The following PIEZO2 variants were observed in gnomAD, a reference collection of about 807,000 sequenced individuals.
PIEZO2 encodes the protein piezo type mechanosensitive ion channel component 2.
Under a neutral mutation model 337.3 loss-of-function variants are expected in PIEZO2, and 172 were observed. That is an observed-to-expected ratio of 0.51 (90% CI 0.45 to 0.58). The LOEUF (loss-of-function observed/expected upper bound fraction) is 0.58. Ranked by LOEUF, PIEZO2 falls within the 20% of genes least tolerant of loss-of-function variation. The pLI is 0.00. For missense variants in PIEZO2, 3,028 were observed against 3,391.3 expected (o/e 0.89, Z 2.66); for synonymous variants, 1,251 against 1,228.5 (o/e 1.02, Z -0.38).
intron 7 of PIEZO2, among the ~76,000 whole-genome samples, chr18:10,818,183 C>T (rs2040419917): frequency 6.6e-6 from 1 of 152,086 alleles, no homozygotes; most frequent in Admixed American, 6.6e-5. Context: ...TCCTTGTCAT[C>T]TCTGTTCTGC....
At position 10,726,770 on chromosome 18, in the gene PIEZO2, G is replaced by A. The variant is rs1273320086; in HGVS notation, c.5029+4637C>T. ...GATTTCCCGCTGCTGACCTCACTGG[G>A]CAAGGTGTCCTATGAGGATGTGGAC... On this transcript the variant is annotated intron_variant, in intron 36 of 55. Coordinates refer to ENST00000674853, the MANE Select transcript of PIEZO2 (RefSeq NM_001378183.1). The surrounding 1 kb of genome is among the most constrained non-coding windows in gnomAD (Gnocchi z 5.9). 1 of 1,529,480 alleles carries A rather than the reference G, an allele frequency of 6.5e-7. No homozygotes were observed. The highest frequency in any genetic ancestry group is 9.0e-7 in the Non-Finnish European group (1 of 1,107,904). 94.7% of individuals were successfully genotyped at this position (1,529,480 alleles called of 1,614,324 possible). A position where few individuals can be genotyped will look rare whatever the true frequency, so the allele number is the denominator to read the frequency against.
At chr18:10,711,615 C>A (rs201741499) in intron 39 of PIEZO2, among the ~76,000 whole-genome samples, 1 of 150,920 alleles carries the variant, frequency 6.6e-6, no homozygotes, top group Non-Finnish European at 1.5e-5. Context: ...ATTCAGGTAA[C>A]AAAAAAAAAT....
chr18:10,723,598 T>G (rs1241500716), intron 36 of PIEZO2, among the ~76,000 whole-genome samples: 1 of 151,934 alleles, frequency 6.6e-6, no homozygotes, highest in African/African-American at 2.4e-5. Context: ...AGGAAGAGAT[T>G]GATGATGTAG....
At chr18:11,010,399 C>CACTGT (rs1177990049) in intron 2 of PIEZO2, among the ~76,000 whole-genome samples, 1 of 152,156 alleles carries the variant, frequency 6.6e-6, no homozygotes, top group Non-Finnish European at 1.5e-5. Context: ...AAGTGTAACG[C>CACTGT]ACTGTACAAA....
intron 3 of PIEZO2, among the ~76,000 whole-genome samples, chr18:10,933,365 C>A (rs556300204): frequency 6.6e-6 from 1 of 152,170 alleles, no homozygotes; most frequent in East Asian, 1.9e-4. Context: ...TTTTCTTCTT[C>A]ATTTCTAAGA....
intron 13 of PIEZO2, among the ~76,000 whole-genome samples, chr18:10,793,920 T>C (rs534711159): frequency 6.6e-6 from 1 of 152,252 alleles, no homozygotes; most frequent in Admixed American, 6.5e-5. Flanking sequence ...AACTTTGCCC[T>C]AGTCTACTCT....
In PIEZO2 at chr18:11,116,363, C is replaced by T. The variant is rs1042887541; in HGVS notation, c.64+32162G>A. Among the ~76,000 whole-genome samples, 8 of 152,096 alleles carry T rather than the reference C, an allele frequency of 5.3e-5. No homozygotes were observed. Among genetic ancestry groups the T allele is most frequent in the Admixed American group, 2.0e-4 (3 of 15,262 alleles). Reference sequence around the variant, plus strand: ...GGCTCTTGAGGAGGAAGCTGCCCAACGGTGTGAAAATGCACCTCGACAATG... The same window carrying T: ...GGCTCTTGAGGAGGAAGCTGCCCAATGGTGTGAAAATGCACCTCGACAATG... On this transcript the variant is annotated intron_variant, in intron 1 of 55. Transcript: ENST00000674853. This position sits in a 1 kb window ranked among gnomAD's most constrained non-coding sequence, Gnocchi z 5.0.
intron 3 of PIEZO2, among the ~76,000 whole-genome samples, chr18:10,967,612 AT>A (rs879573814): frequency 2.6e-5 from 4 of 151,102 alleles, no homozygotes; most frequent in Non-Finnish European, 4.4e-5. Flanking sequence ...GCCAACATCT[AT>A]TTTTTTTTAT....
rs2041052806 is a variant in PIEZO2, at chr18:10,837,510, G to C, written c.917+17843C>G. The stretch of plus-strand genomic sequence containing the variant: ...CCATGCACATCCTTTAGAATGTTGG[G>C]GCCAGCAAGAAAGCTTGAGAACCAC... On this transcript the variant is annotated intron_variant, in intron 7 of 55. Coordinates refer to ENST00000674853, the MANE Select transcript of PIEZO2 (RefSeq NM_001378183.1). The surrounding 1 kb of genome is among the most constrained non-coding windows in gnomAD (Gnocchi z 4.4). Among the ~76,000 whole-genome samples, 2 of 152,032 alleles carry C rather than the reference G, an allele frequency of 1.3e-5. No individual in the cohort carries two copies. Among genetic ancestry groups the C allele is most frequent in the African/African-American group, 2.4e-5 (1 of 41,398 alleles).
At chr18:10,976,999 A>ATGTGTGTGTG (rs1491283264) in intron 3 of PIEZO2, among the ~76,000 whole-genome samples, 57 of 50,314 alleles carry the variant, frequency 1.1e-3, no homozygotes, top group African/African-American at 1.9e-3. Flanking sequence ...GCAAGAACAA[A>ATGTGTGTGTG]TATGTGTGTG....
In PIEZO2 at chr18:10,705,691, C is replaced by T. The variant is rs1193696120; in HGVS notation, c.5644G>A (p.Glu1882Lys). ...TCCTCCTGCTCAGCCTCCACCTCCT[C>T]GATGGTCTCAGTGGTCCCCTGGCGT... ...YSRQGTTETIEEVEAEQEEEA... is the reference protein window; with the variant it reads ...YSRQGTTETIKEVEAEQEEEA... The change falls in exon 41 of 56, where the codon GAG (glutamate) becomes AAG (lysine). Residue 1882 changes from glutamate (E) to lysine (K), a missense_variant. Around this residue, in one of 5 missense-constraint regions of PIEZO2, gnomAD observed 1,925 missense variants for 2,051.9 expected, o/e 0.94. Coordinates refer to ENST00000674853, the MANE Select transcript of PIEZO2 (RefSeq NM_001378183.1). The T allele has an allele frequency of 7.2e-6, 11 of 1,536,748 alleles. No homozygotes were observed. Among genetic ancestry groups the T allele is most frequent in the Admixed American group, 3.9e-5 (2 of 50,990 alleles).
At chr18:10,811,006 A>G (rs1005015196) in intron 7 of PIEZO2, among the ~76,000 whole-genome samples, 4 of 152,206 alleles carry the variant, frequency 2.6e-5, no homozygotes, top group Admixed American at 2.6e-4. Context: ...CTGAACCTTC[A>G]TGCTAATTTA....
At chr18:11,041,506 T>C (rs1265166327) in intron 2 of PIEZO2, among the ~76,000 whole-genome samples, 1 of 152,164 alleles carries the variant, frequency 6.6e-6, no homozygotes, top group East Asian at 1.9e-4. Context: ...ACACAGTCAC[T>C]TTCATTGTTT....
Position 10,854,254 on chromosome 18 carries a change from G to C in PIEZO2, c.917+1099C>G, listed in dbSNP as rs1487233686. 6.6e-6 allele frequency among the ~76,000 whole-genome samples: 1 copy of C among 152,176 alleles called. No homozygotes were observed. Among genetic ancestry groups the C allele is most frequent in the Non-Finnish European group, 1.5e-5 (1 of 68,032 alleles). On this transcript the variant is annotated intron_variant, in intron 7 of 55. Transcript: ENST00000674853. This position sits in a 1 kb window ranked among gnomAD's most constrained non-coding sequence, Gnocchi z 4.6. ...CATCTGTTGCATCACACTGAGAGGT[G>C]TGAAATGTTAAGCTATCTCAGTTTT... is the stretch of plus-strand genomic sequence containing the variant.
At chr18:10,937,186 C>CTTATTA (rs1487025327) in intron 3 of PIEZO2, among the ~76,000 whole-genome samples, 1 of 152,144 alleles carries the variant, frequency 6.6e-6, no homozygotes, top group African/African-American at 2.4e-5. Flanking sequence ...TCAGTGGAGC[C>CTTATTA]ATTAATGCTA....
At chr18:10,692,119 G>A (rs1214588276) in intron 47 of PIEZO2, among the ~76,000 whole-genome samples, 1 of 151,876 alleles carries the variant, frequency 6.6e-6, no homozygotes, top group African/African-American at 2.4e-5. Flanking sequence ...GAATAGTGAA[G>A]AGACATAGTA....
rs2039669841 is a variant in PIEZO2, at chr18:11,109,573, C to T, written c.64+38952G>A. On this transcript the variant is annotated intron_variant, in intron 1 of 55. Transcript: ENST00000674853. This position sits in a 1 kb window ranked among gnomAD's most constrained non-coding sequence, Gnocchi z 5.1. ...TCTACTGAAAATACAAAAAAATTAG[C>T]CGGGCATGGTGGCATGCACCTGTAA... 6.6e-6 allele frequency among the ~76,000 whole-genome samples: 1 copy of T among 152,136 alleles called. No homozygotes were observed. The highest frequency in any genetic ancestry group is 1.5e-5 in the Non-Finnish European group (1 of 68,030).
chr18:10,758,917 A>T (rs1157548607), intron 26 of PIEZO2, among the ~76,000 whole-genome samples: 1 of 152,160 alleles, frequency 6.6e-6, no homozygotes, highest in Non-Finnish European at 1.5e-5. Context: ...CCTTGCTTTT[A>T]AAATTAAACC....
Position 10,895,716 on chromosome 18 carries a change from A to G in PIEZO2, c.329+15470T>C, listed in dbSNP as rs545847673. 1.3e-5 allele frequency among the ~76,000 whole-genome samples: 2 copies of G among 152,254 alleles called. No homozygotes were observed. The highest frequency in any genetic ancestry group is 4.1e-4 in the South Asian group (2 of 4,826). The stretch of plus-strand genomic sequence containing the variant: ...ACATTTCATCTCTACCCAATGGACT[A>G]CCAGCAACAGGTGTAATGGGTGCTG... On this transcript the variant is annotated intron_variant, in intron 4 of 55. Coordinates refer to ENST00000674853, the MANE Select transcript of PIEZO2 (RefSeq NM_001378183.1). This position sits in a 1 kb window ranked among gnomAD's most constrained non-coding sequence, Gnocchi z 4.8.
Sources: gnomAD v4.1 joint callset for allele counts (sites outside exome capture counted in the v4.1 genomes callset) on GRCh38, gnomAD v4.1.1 for gene constraint, gnomAD v4.1.1 regional missense constraint, Gnocchi (gnomAD v3.1) non-coding constraint, MANE v1.5 for transcripts, NCBI Gene and HGNC (gene_info 2026-07-23, HGNC 2026-07-21) for gene names.